ZBTB38: variants seen among roughly 807,000 people sequenced by gnomAD.
The protein encoded by ZBTB38 is zinc finger and BTB domain containing 38.
A neutral mutation model predicts 76.8 loss-of-function variants in ZBTB38; 20 were observed. That is an observed-to-expected ratio of 0.26 (90% CI 0.18 to 0.38). The LOEUF is 0.38. Among genes scored for constraint, ZBTB38 ranks in the 10% least tolerant of loss-of-function variants. The probability of loss-of-function intolerance (pLI) is 1.00; values close to 1 mark genes in which losing one functional copy is unlikely to be tolerated. For synonymous variants in ZBTB38, 504 were observed against 544.2 expected, an observed-to-expected ratio of 0.93 and a Z score of 1.03; for missense variants, 1,082 against 1,482.3, an observed-to-expected ratio of 0.73 and a Z score of 4.43.
intron 4 of ZBTB38, among the ~76,000 whole-genome samples, chr3:141,402,000 G>C (rs949546040): frequency 2.0e-5 from 3 of 152,216 alleles, no homozygotes; most frequent in Non-Finnish European, 2.9e-5. Context: ...AGGAGCCCAC[G>C]GACCCTTCTG....
intron 1 of ZBTB38, among the ~76,000 whole-genome samples, chr3:141,329,626 C>T (rs1942784129): frequency 6.6e-6 from 1 of 152,190 alleles, no homozygotes; most frequent in African/African-American, 2.4e-5. Flanking sequence ...TTAAGGGACC[C>T]AGAGGTTAGG....
intron 5 of ZBTB38, among the ~76,000 whole-genome samples, chr3:141,421,951 T>G (rs894166711): frequency 1.3e-5 from 2 of 152,208 alleles, no homozygotes; most frequent in African/African-American, 4.8e-5. Context: ...CACAGCACTG[T>G]GAACTGGGGA....
rs1481819450 is a variant in ZBTB38 at position 141,442,616 on chromosome 3, G to A, written c.228G>A (p.Leu76=). ...GTATTTCCAGCCACGTCCTGGAGCT[G>A]GACGATCTCAAAGCTGAAGTGTTTA... The part of the protein sequence containing the change: ...TICISSHVLE[L]DDLKAEVFTE... Residue 76 remains leucine, a synonymous_variant, in exon 6 of 6, where the codon CTG becomes CTA. Transcript: ENST00000321464. This position sits in a 1 kb window ranked among gnomAD's most constrained non-coding sequence, Gnocchi z 6.4. The A allele has an allele frequency of 6.8e-6, 11 of 1,613,988 alleles. No individual in the cohort carries two copies. The highest frequency in any genetic ancestry group is 8.5e-6 in the Non-Finnish European group (10 of 1,179,994).
rs1337763740 is a variant in ZBTB38, at chr3:141,442,947, G to A, written c.559G>A (p.Ala187Thr). The change falls in exon 6 of 6, where the codon GCA becomes ACA. Residue 187 changes from alanine (A) to threonine (T), a missense_variant. Around this residue, in one of 8 missense-constraint regions of ZBTB38, gnomAD observed 324 missense variants for 359.1 expected, o/e 0.90. Coordinates refer to ENST00000321464, the MANE Select transcript of ZBTB38 (RefSeq NM_001376113.1). The surrounding 1 kb of genome is among the most constrained non-coding windows in gnomAD (Gnocchi z 6.4). The part of the protein sequence containing the change: ...NNMFSPLDLR[A>T]SFKKVSDSMR... ...CATGTTTTCCCCGCTGGACTTGAGGGCAAGTTTCAAAAAGGTCTCCGACTC... is the reference window on the plus strand; with the variant it reads ...CATGTTTTCCCCGCTGGACTTGAGGACAAGTTTCAAAAAGGTCTCCGACTC... The A allele has an allele frequency of 6.2e-7, 1 of 1,614,076 alleles. No individual in the cohort carries two copies. Among genetic ancestry groups the A allele is most frequent in the Non-Finnish European group, 8.5e-7 (1 of 1,180,034 alleles).
chr3:141,419,953 C>T (rs2074982402), intron 5 of ZBTB38, among the ~76,000 whole-genome samples: 1 of 152,172 alleles, frequency 6.6e-6, no homozygotes, highest in African/African-American at 2.4e-5. Context: ...TGCCATTGCA[C>T]TCCAGCATGG....
intron 2 of ZBTB38, among the ~76,000 whole-genome samples, chr3:141,371,057 T>C (rs1371364171): frequency 3.1e-5 from 4 of 127,536 alleles, no homozygotes; most frequent in African/African-American, 1.3e-4. Flanking sequence ...TTTTTTTTTT[T>C]TTTTTTTTTT....
At chr3:141,405,269 G>A (rs1353634252) in intron 5 of ZBTB38, among the ~76,000 whole-genome samples, 2 of 152,224 alleles carry the variant, frequency 1.3e-5, no homozygotes, top group Non-Finnish European at 2.9e-5. Context: ...ATGCTAGAAT[G>A]TCAGCTCCAC....
At chr3:141,333,287 G>C (rs1452971796) in intron 1 of ZBTB38, among the ~76,000 whole-genome samples, 1 of 152,150 alleles carries the variant, frequency 6.6e-6, no homozygotes, top group Non-Finnish European at 1.5e-5. Flanking sequence ...GGAGACCTAG[G>C]ACAGCAAGTC....
At chr3:141,327,682 G>A (rs1942714240) in intron 1 of ZBTB38, among the ~76,000 whole-genome samples, 2 of 152,166 alleles carry the variant, frequency 1.3e-5, no homozygotes, top group Non-Finnish European at 2.9e-5. Context: ...TTGGACTTTA[G>A]TTAATGATAC....
chr3:141,353,424 C>G (rs1428211987), intron 1 of ZBTB38, among the ~76,000 whole-genome samples: 1 of 152,112 alleles, frequency 6.6e-6, no homozygotes, highest in South Asian at 2.1e-4. Flanking sequence ...TCTAAAATTT[C>G]TCATTGAATG....
intron 4 of ZBTB38, among the ~76,000 whole-genome samples, chr3:141,401,733 T>A (rs1354351732): frequency 6.6e-6 from 1 of 152,106 alleles, no homozygotes; most frequent in Non-Finnish European, 1.5e-5. Context: ...ATGGCCAGCT[T>A]GTGGCAGGCC....
chr3:141,375,493 G>A lies in ZBTB38; in HGVS notation c.-235+5547G>A, dbSNP rs144647503. Among the ~76,000 whole-genome samples, 784 of 152,308 alleles carry A rather than the reference G, an allele frequency of 5.1e-3. 7 individuals are homozygous for A. The highest frequency in any genetic ancestry group is 0.018 in the African/African-American group (751 of 41,560). ...AGCCTAGACCTAGCAAGGGGCCCACGTGCCCATCTTGGTCACCTAATGGGG... is the reference window on the plus strand; with the variant it reads ...AGCCTAGACCTAGCAAGGGGCCCACATGCCCATCTTGGTCACCTAATGGGG... On this transcript the variant is annotated intron_variant, in intron 2 of 5. Transcript: ENST00000321464.
At chr3:141,437,500 G>A (rs1368388787) in intron 5 of ZBTB38, among the ~76,000 whole-genome samples, 2 of 152,082 alleles carry the variant, frequency 1.3e-5, no homozygotes, top group Non-Finnish European at 2.9e-5. Flanking sequence ...TTTCTCTTAT[G>A]GCACTGAGTT....
At chr3:141,381,677 C>T (rs1294753672) in intron 3 of ZBTB38, among the ~76,000 whole-genome samples, 190 bp downstream of exon 3, 3 of 152,206 alleles carry the variant, frequency 2.0e-5, no homozygotes, top group Admixed American at 2.0e-4. Flanking sequence ...TAGGGTGGAG[C>T]TGGTGGATTA....
chr3:141,407,186 T>G (rs1441292324), intron 5 of ZBTB38, among the ~76,000 whole-genome samples: 1 of 152,230 alleles, frequency 6.6e-6, no homozygotes, highest in African/African-American at 2.4e-5. Flanking sequence ...GTAATTCCAT[T>G]GCCTTTTACC....
At chr3:141,437,475 A>G (rs1375515124) in intron 5 of ZBTB38, among the ~76,000 whole-genome samples, 2 of 152,034 alleles carry the variant, frequency 1.3e-5, no homozygotes, top group Non-Finnish European at 2.9e-5. Flanking sequence ...CAAACCTTTG[A>G]GTGTAGAATT....
intron 3 of ZBTB38, among the ~76,000 whole-genome samples, chr3:141,386,246 T>C (rs1398778659): frequency 6.6e-6 from 1 of 152,246 alleles, no homozygotes; most frequent in Non-Finnish European, 1.5e-5. Context: ...TCGTTCATGA[T>C]GGTCAGCTAT....
intron 1 of ZBTB38, among the ~76,000 whole-genome samples, chr3:141,332,356 C>T (rs1559910020): frequency 6.6e-6 from 1 of 152,126 alleles, no homozygotes; most frequent in Non-Finnish European, 1.5e-5. Flanking sequence ...GTCTACACAC[C>T]CCTTCTCTTT....
At chr3:141,345,826 T>A (rs1213368024) in intron 1 of ZBTB38, among the ~76,000 whole-genome samples, 1 of 151,966 alleles carries the variant, frequency 6.6e-6, no homozygotes, top group Non-Finnish European at 1.5e-5. Flanking sequence ...AACAGCTTAG[T>A]TTTCCCCCAG....
Sources: allele counts gnomAD v4.1 joint callset (sites outside exome capture counted in the v4.1 genomes callset), GRCh38; gene constraint gnomAD v4.1.1; regional missense constraint gnomAD v4.1.1; non-coding constraint Gnocchi (gnomAD v3.1); transcripts MANE v1.5; gene names NCBI Gene and HGNC (gene_info 2026-07-23, HGNC 2026-07-21).